NELL2: variants seen among roughly 807,000 people sequenced by gnomAD.
NELL2 encodes protein kinase C-binding protein NELL2.
A neutral mutation model predicts 109.6 loss-of-function variants in NELL2; 41 were observed. The observed-to-expected ratio is 0.37, with a 90% CI of 0.29 to 0.49. The LOEUF (loss-of-function observed/expected upper bound fraction) is 0.49. Among genes scored for constraint, NELL2 ranks in the 20% least tolerant of loss-of-function variants. The pLI is 0.98. For synonymous variants in NELL2, 355 were observed against 344.7 expected (o/e 1.03, Z -0.33); for missense variants, 900 against 1,008.3 (o/e 0.89, Z 1.45).
At chr12:44,580,560 T>C (rs1049686148) in intron 15 of NELL2, among the ~76,000 whole-genome samples, 7 of 151,884 alleles carry the variant, frequency 4.6e-5, no homozygotes, top group African/African-American at 1.7e-4. Context: ...CTAATAAAAA[T>C]ACAAAAAATT....
At chr12:44,722,496 T>C (rs1222133441) in intron 9 of NELL2, among the ~76,000 whole-genome samples, 2 of 152,130 alleles carry the variant, frequency 1.3e-5, no homozygotes, top group African/African-American at 4.8e-5. Context: ...TGAAACACTG[T>C]AGTAGAAAGT....
intron 9 of NELL2, among the ~76,000 whole-genome samples, chr12:44,738,219 G>C (rs1939755492): frequency 6.6e-6 from 1 of 152,034 alleles, no homozygotes; most frequent in South Asian, 2.1e-4. Flanking sequence ...TCTCAAACAA[G>C]TAACCAAGTG....
intron 15 of NELL2, among the ~76,000 whole-genome samples, chr12:44,569,623 A>G (rs1354462571): frequency 3.3e-5 from 5 of 152,220 alleles, no homozygotes; most frequent in Non-Finnish European, 5.9e-5. Context: ...AGTTAAGCGT[A>G]GACTTCAGTT....
chr12:44,818,626 G>C (rs1943432495), intron 2 of NELL2, among the ~76,000 whole-genome samples: 1 of 151,378 alleles, frequency 6.6e-6, no homozygotes, highest in African/African-American at 2.4e-5. Context: ...TTTGTTGTTT[G>C]GTATACACAG....
At chr12:44,844,625 T>C (rs1034052589) in intron 2 of NELL2, among the ~76,000 whole-genome samples, 1 of 152,216 alleles carries the variant, frequency 6.6e-6, no homozygotes. Flanking sequence ...AGTGAAGAGA[T>C]ATGGCATATA....
chr12:44,769,468 G>T (rs1223746679), intron 9 of NELL2, among the ~76,000 whole-genome samples: 2 of 152,100 alleles, frequency 1.3e-5, no homozygotes. Flanking sequence ...CCAAGTGTGG[G>T]TGAGGGTGTG....
At chr12:44,586,495 A>G (rs1944511263) in intron 15 of NELL2, among the ~76,000 whole-genome samples, 1 of 152,086 alleles carries the variant, frequency 6.6e-6, no homozygotes, top group Admixed American at 6.6e-5. Context: ...TGCTCAGAAT[A>G]ATAGTGTCTA....
At chr12:44,706,742 C>G (rs1249090434) in intron 11 of NELL2, among the ~76,000 whole-genome samples, 2 of 152,060 alleles carry the variant, frequency 1.3e-5, no homozygotes, top group Non-Finnish European at 2.9e-5. Context: ...AAAGAAAATT[C>G]AAATATTTGT....
intron 19 of NELL2, 58 bp from the exon 20 acceptor site, chr12:44,509,042 G>T: frequency 1.4e-6 from 2 of 1,416,076 alleles, no homozygotes; most frequent in Non-Finnish European, 2.0e-6. Flanking sequence ...ATTAGTAAAT[G>T]ATCACATTTA....
At chr12:44,867,436 A>T (rs907533563) in intron 2 of NELL2, among the ~76,000 whole-genome samples, 1 of 152,368 alleles carries the variant, frequency 6.6e-6, no homozygotes, top group African/African-American at 2.4e-5. Flanking sequence ...ACATCATTTC[A>T]TGATAAAAAC....
intron 9 of NELL2, among the ~76,000 whole-genome samples, chr12:44,763,921 T>G (rs1941225123): frequency 6.6e-6 from 1 of 152,138 alleles, no homozygotes. Flanking sequence ...GTTAACAAGT[T>G]GGAAGAGAAC....
chr12:44,747,685 C>T (rs554111498), intron 9 of NELL2, among the ~76,000 whole-genome samples: 1 of 152,158 alleles, frequency 6.6e-6, no homozygotes, highest in South Asian at 2.1e-4. Flanking sequence ...AAGGTCTCCC[C>T]TGTGAATAAA....
chr12:44,583,637 G>A (rs1202977918), intron 15 of NELL2, among the ~76,000 whole-genome samples: 1 of 152,156 alleles, frequency 6.6e-6, no homozygotes, highest in African/African-American at 2.4e-5. Flanking sequence ...TCACTCTATA[G>A]AGGAGCTTAA....
intron 15 of NELL2, among the ~76,000 whole-genome samples, chr12:44,552,675 G>A (rs1441927894): frequency 3.9e-5 from 6 of 152,176 alleles, no homozygotes; most frequent in Middle Eastern, 3.4e-3. Flanking sequence ...CATACCAAAC[G>A]ATTTTTAGTA....
chr12:44,535,591 G>A (rs1942261018), intron 15 of NELL2, among the ~76,000 whole-genome samples: 1 of 151,846 alleles, frequency 6.6e-6, no homozygotes, highest in South Asian at 2.1e-4. Flanking sequence ...TTCCAAACAT[G>A]CAATTTATCT....
rs569191209 is a variant in NELL2 at position 44,623,806 on chromosome 12, C to A, written c.1445-12836G>T. 2.6e-5 allele frequency among the ~76,000 whole-genome samples: 4 copies of A among 152,186 alleles called. No individual in the cohort carries two copies. In the South Asian group the frequency reaches 8.3e-4, roughly 32 times the overall value. On this transcript the variant is annotated intron_variant, in intron 13 of 19. Transcript: ENST00000429094. ...TGCTCAGACATGAATAGAAACGTGA[C>A]CCGAAGACCAGAAGATGTGTAGCTT...
intron 15 of NELL2, among the ~76,000 whole-genome samples, chr12:44,555,188 G>T (rs140038760): frequency 1.3e-3 from 197 of 152,282 alleles, no homozygotes; most frequent in African/African-American, 4.5e-3. Flanking sequence ...AACCTGTTTG[G>T]AAATCAATTA....
At chr12:44,862,956 A>G (rs1466501466) in intron 2 of NELL2, among the ~76,000 whole-genome samples, 1 of 152,182 alleles carries the variant, frequency 6.6e-6, no homozygotes, top group African/African-American at 2.4e-5. Flanking sequence ...ACACACACAT[A>G]CATATACTTT....
At chr12:44,769,832 AGC>A (rs1453270328) in intron 9 of NELL2, among the ~76,000 whole-genome samples, 4 of 152,156 alleles carry the variant, frequency 2.6e-5, no homozygotes, top group Non-Finnish European at 5.9e-5. Context: ...AATGAGATGC[AGC>A]TACATTTTTG....
Sources: allele counts gnomAD v4.1 joint callset (sites outside exome capture counted in the v4.1 genomes callset), GRCh38; gene constraint gnomAD v4.1.1; transcripts MANE v1.5; gene names NCBI Gene and HGNC (gene_info 2026-07-23, HGNC 2026-07-21).